The following EIF4G3 variants were observed in gnomAD, a reference collection of about 807,000 sequenced individuals.
The protein encoded by EIF4G3 is eukaryotic translation initiation factor 4 gamma 3.
Under a neutral mutation model 186.4 loss-of-function variants are expected in EIF4G3, and 34 were observed. That is an observed-to-expected ratio of 0.18 (90% CI 0.14 to 0.24). The LOEUF (loss-of-function observed/expected upper bound fraction) is 0.24. Ranked by LOEUF, EIF4G3 falls within the 10% of genes least tolerant of loss-of-function variation. The probability of loss-of-function intolerance (pLI) is 1.00; values close to 1 mark genes in which losing one functional copy is unlikely to be tolerated. For synonymous variants in EIF4G3, 673 were observed against 679.5 expected (o/e 0.99, Z 0.15); for missense variants, 1,536 against 1,948.5 (o/e 0.79, Z 3.99).
intron 2 of EIF4G3, among the ~76,000 whole-genome samples, chr1:21,163,129 T>C (rs1402581338): frequency 6.6e-6 from 1 of 152,192 alleles, no homozygotes; most frequent in Admixed American, 6.5e-5. Flanking sequence ...TAATGCATAC[T>C]TATGTTTGGA....
chr1:20,978,763 C>T (rs2154566374), intron 10 of EIF4G3, among the ~76,000 whole-genome samples: 1 of 151,722 alleles, frequency 6.6e-6, no homozygotes, highest in African/African-American at 2.4e-5. Flanking sequence ...AATGTATTCC[C>T]TGAGGATAAG....
chr1:21,104,954 G>A (rs1177167470), intron 2 of EIF4G3, among the ~76,000 whole-genome samples: 1 of 152,038 alleles, frequency 6.6e-6, no homozygotes, highest in Non-Finnish European at 1.5e-5. Context: ...AACTAATGAA[G>A]GAACAGAAAA....
At chr1:21,143,017 G>T (rs1336781193) in intron 2 of EIF4G3, among the ~76,000 whole-genome samples, 1 of 152,148 alleles carries the variant, frequency 6.6e-6, no homozygotes, top group Non-Finnish European at 1.5e-5. Context: ...GGGAGGCCGA[G>T]ACAGGCAGAT....
rs2077171003 is a variant in EIF4G3 at position 20,864,727 on chromosome 1, G to C, written c.2770-15C>G. ...CTCTCCTCTGGCTGTTGTGTAAGGA[G>C]GAATAATAGCATCTTGATGATGAAA... On this transcript the variant is annotated splice_polypyrimidine_tract_variant and intron_variant, in intron 21 of 36. Transcript: ENST00000602326. 1 of 1,592,550 alleles carries C rather than the reference G, an allele frequency of 6.3e-7. No homozygotes were observed. The highest frequency in any genetic ancestry group is 2.2e-5 in the East Asian group (1 of 44,772).
chr1:21,108,905 A>AG (rs1426222633), intron 2 of EIF4G3, among the ~76,000 whole-genome samples: 1 of 144,206 alleles, frequency 6.9e-6, no homozygotes, highest in African/African-American at 2.6e-5. Flanking sequence ...TCCATCTCAA[A>AG]AAAAAAAAAA....
intron 2 of EIF4G3, among the ~76,000 whole-genome samples, chr1:21,151,928 T>C (rs533843601): frequency 6.6e-6 from 1 of 152,142 alleles, no homozygotes; most frequent in Non-Finnish European, 1.5e-5. Flanking sequence ...GATACTAGTT[T>C]AGTATAAAAG....
chr1:20,961,619 T>C (rs968135007), intron 12 of EIF4G3, among the ~76,000 whole-genome samples: 9 of 152,150 alleles, frequency 5.9e-5, no homozygotes, highest in Admixed American at 5.2e-4. Flanking sequence ...TCAAACCATA[T>C]AGTGTATACA....
chr1:21,093,274 T>A (rs2096260210), intron 2 of EIF4G3, among the ~76,000 whole-genome samples: 1 of 152,102 alleles, frequency 6.6e-6, no homozygotes, highest in Middle Eastern at 3.4e-3. Flanking sequence ...AACAACCCCA[T>A]CACAAAGTGG....
chr1:20,845,211 G>A (rs1255259142), intron 29 of EIF4G3, among the ~76,000 whole-genome samples: 2 of 152,136 alleles, frequency 1.3e-5, no homozygotes, highest in East Asian at 3.8e-4. Flanking sequence ...TATTAAAAAG[G>A]GAATCCTTTC....
At chr1:20,884,977 A>G (rs1304243982) in intron 19 of EIF4G3, among the ~76,000 whole-genome samples, 1 of 152,164 alleles carries the variant, frequency 6.6e-6, no homozygotes, top group Non-Finnish European at 1.5e-5. Context: ...GTTCCACCTC[A>G]GATCATCAGG....
intron 2 of EIF4G3, among the ~76,000 whole-genome samples, chr1:21,162,871 A>T (rs2097788948): frequency 6.6e-6 from 1 of 152,246 alleles, no homozygotes; most frequent in South Asian, 2.1e-4. Context: ...AGGATCTATT[A>T]GTAGGTCACT....
intron 18 of EIF4G3, among the ~76,000 whole-genome samples, chr1:20,891,291 G>A (rs535069105): frequency 1.5e-4 from 23 of 152,170 alleles, no homozygotes; most frequent in Non-Finnish European, 2.6e-4. Context: ...TATACATTTT[G>A]TGAGTCACAT....
chr1:21,119,255 T>C (rs887920372), intron 2 of EIF4G3, among the ~76,000 whole-genome samples: 3 of 151,956 alleles, frequency 2.0e-5, no homozygotes, highest in African/African-American at 7.3e-5. Flanking sequence ...GAAATGCTTA[T>C]AGAATGAGAG....
rs1288050570 is a variant in EIF4G3, at chr1:20,943,969, T to TG, written c.824-1640_824-1639insC. Among the ~76,000 whole-genome samples the TG allele has an allele frequency of 7.4e-3, 27 of 3,672 alleles. 1 individual carries two copies. The East Asian group carries it at 0.075, about 10-fold the overall frequency. 2.4% of individuals were successfully genotyped at this position (3,672 alleles called of 152,430 possible). On this transcript the variant is annotated intron_variant, in intron 13 of 36. Transcript: ENST00000602326. ...ATATTTCAGGAAAACTTGTCTTTAT[T>TG]TTTTTTGTGTGTGTGTGTGTGTGTG...
At chr1:21,154,184 T>C (rs1366473757) in intron 2 of EIF4G3, among the ~76,000 whole-genome samples, 1 of 152,216 alleles carries the variant, frequency 6.6e-6, no homozygotes, top group African/African-American at 2.4e-5. Context: ...TCAAAAACCA[T>C]TCTTCCCTAG....
chr1:20,831,278 ATTT>A (rs35154451), intron 30 of EIF4G3, among the ~76,000 whole-genome samples: 1 of 142,984 alleles, frequency 7.0e-6, no homozygotes. Context: ...AAAAATATTA[ATTT>A]TTTTTTTTTT....
intron 3 of EIF4G3, among the ~76,000 whole-genome samples, chr1:21,078,941 TGC>T (rs2095675581): frequency 6.6e-6 from 1 of 152,184 alleles, no homozygotes; most frequent in Non-Finnish European, 1.5e-5. Context: ...GCTGAGATCA[TGC>T]CATTGCACTC....
intron 32 of EIF4G3, 144 bp downstream of exon 32, chr1:20,827,473 C>G (rs2063932140): frequency 2.5e-6 from 1 of 392,570 alleles, no homozygotes; most frequent in South Asian, 8.4e-5. Flanking sequence ...ACAAATGCAC[C>G]TCAGAAAGAA....
At chr1:21,136,516 CA>C (rs561610957) in intron 2 of EIF4G3, among the ~76,000 whole-genome samples, 6 of 143,620 alleles carry the variant, frequency 4.2e-5, no homozygotes, top group African/African-American at 5.1e-5. Context: ...GACTCCGTAT[CA>C]AAAAAAAAAC....
Sources: allele counts gnomAD v4.1 joint callset (sites outside exome capture counted in the v4.1 genomes callset), GRCh38; gene constraint gnomAD v4.1.1; transcripts MANE v1.5; gene names NCBI Gene and HGNC (gene_info 2026-07-23, HGNC 2026-07-21).